Variants in RARB observed in about 807,000 individuals in gnomAD.
RARB encodes the protein retinoic acid receptor beta, also known as HBV-activated protein.
A neutral mutation model predicts 51.9 loss-of-function variants in RARB; 17 were observed. The ratio of observed to expected loss-of-function variants is 0.33; its 90% CI spans 0.22 to 0.49. The LOEUF is 0.49. Ranked by LOEUF, RARB falls within the 20% of genes least tolerant of loss-of-function variation. The probability of loss-of-function intolerance (pLI) is 0.99; values close to 1 mark genes in which losing one functional copy is unlikely to be tolerated. For synonymous variants in RARB, 215 were observed against 195.4 expected (o/e 1.10, Z -0.84); for missense variants, 369 against 550.8 (o/e 0.67, Z 3.30).
At position 25,358,829 on chromosome 3, in the gene RARB, C is replaced by T. The variant is rs563474581; in HGVS notation, c.179-102364C>T. ...CAGCCTTGCATCCCGGGGATGAAGC[C>T]GACTTGATCATGGTGAATAAGATTT... On this transcript the variant is annotated intron_variant, in intron 5 of 11. Transcript: ENST00000383772. Among the ~76,000 whole-genome samples, 7 of 152,142 alleles carry T rather than the reference C, an allele frequency of 4.6e-5. No homozygotes were observed. In the South Asian group the frequency reaches 6.2e-4, roughly 14 times the overall value.
At chr3:25,203,253 C>A (rs555664968) in intron 5 of RARB, among the ~76,000 whole-genome samples, 1 of 152,090 alleles carries the variant, frequency 6.6e-6, no homozygotes, top group Admixed American at 6.5e-5. Context: ...AGGATTGCAA[C>A]CCCTGCCTTT....
chr3:25,316,116 A>G (rs1407634017), intron 5 of RARB, among the ~76,000 whole-genome samples: 2 of 152,216 alleles, frequency 1.3e-5, no homozygotes, highest in African/African-American at 4.8e-5. Flanking sequence ...TTGTACAGAT[A>G]GATGTCTATT....
chr3:25,543,759 T>G (rs1441432575), intron 3 of RARB, among the ~76,000 whole-genome samples: 1 of 151,958 alleles, frequency 6.6e-6, no homozygotes, highest in African/African-American at 2.4e-5. Flanking sequence ...AGCAGTCAGC[T>G]CCCCACAGGG....
At chr3:24,969,709 C>A (rs867270193) in intron 2 of RARB, among the ~76,000 whole-genome samples, 1 of 152,100 alleles carries the variant, frequency 6.6e-6, no homozygotes, top group African/African-American at 2.4e-5. Flanking sequence ...CTTCACTAAG[C>A]CTTCTGTGTA....
At chr3:25,055,093 A>AT (rs1310235509) in intron 2 of RARB, among the ~76,000 whole-genome samples, 1 of 152,188 alleles carries the variant, frequency 6.6e-6, no homozygotes, top group East Asian at 1.9e-4. Flanking sequence ...CATTTATTCC[A>AT]TTCTGCTTTT....
intron 1 of RARB, 39 bp downstream of exon 1, chr3:25,428,927 A>G (rs1708091380): frequency 6.4e-7 from 1 of 1,569,292 alleles, no homozygotes; most frequent in African/African-American, 1.4e-5. Flanking sequence ...CAAGAAAAAA[A>G]AAATTGTCTC....
chr3:24,929,071 A>C (rs1695387516), intron 2 of RARB, among the ~76,000 whole-genome samples: 1 of 152,094 alleles, frequency 6.6e-6, no homozygotes, highest in African/African-American at 2.4e-5. Context: ...ATATCATGTA[A>C]AAGTAATGAT....
At chr3:25,098,940 A>G (rs577563270) in intron 3 of RARB, among the ~76,000 whole-genome samples, 55 of 152,300 alleles carry the variant, frequency 3.6e-4, no homozygotes, top group Non-Finnish European at 6.0e-4. Context: ...GTTTTCCTCT[A>G]AGATATTTAA....
At chr3:25,458,097 A>G (rs140242437) in intron 1 of RARB, among the ~76,000 whole-genome samples, 5 of 152,226 alleles carry the variant, frequency 3.3e-5, no homozygotes, top group African/African-American at 1.2e-4. Context: ...ACATGCATTA[A>G]AAACAAAATA....
chr3:25,004,581 A>G (rs1029085252), intron 2 of RARB, among the ~76,000 whole-genome samples: 1 of 152,066 alleles, frequency 6.6e-6, no homozygotes, highest in East Asian at 1.9e-4. Context: ...TCACCTCTTA[A>G]TGGTCTCACC....
chr3:25,498,246 T>A (rs2125601137), intron 2 of RARB, among the ~76,000 whole-genome samples: 2 of 152,226 alleles, frequency 1.3e-5, no homozygotes, highest in South Asian at 4.1e-4. Context: ...ACTTTAGGTG[T>A]ATGAGGATAA....
At chr3:24,916,684 G>A (rs1695113167) in intron 2 of RARB, among the ~76,000 whole-genome samples, 2 of 141,644 alleles carry the variant, frequency 1.4e-5, no homozygotes, top group Non-Finnish European at 3.0e-5. Flanking sequence ...AACCATTTTG[G>A]TAAAAAGTAT....
chr3:25,275,558 C>G (rs1377709220), intron 5 of RARB, among the ~76,000 whole-genome samples: 3 of 152,154 alleles, frequency 2.0e-5, no homozygotes, highest in African/African-American at 7.2e-5. Context: ...ATACGGCAAC[C>G]CTTTGATAAT....
chr3:25,085,293 C>T (rs1488147320), intron 3 of RARB, among the ~76,000 whole-genome samples: 1 of 152,122 alleles, frequency 6.6e-6, no homozygotes, highest in East Asian at 1.9e-4. Flanking sequence ...TACATTGAAG[C>T]ATGAACTAAT....
intron 5 of RARB, among the ~76,000 whole-genome samples, chr3:25,343,891 G>A (rs1326256677): frequency 6.6e-6 from 1 of 152,162 alleles, no homozygotes; most frequent in African/African-American, 2.4e-5. Context: ...GAACTAAAAG[G>A]AAAGAGGATG....
At chr3:25,502,138 G>C (rs1156700344) in intron 3 of RARB, among the ~76,000 whole-genome samples, 1 of 152,182 alleles carries the variant, frequency 6.6e-6, no homozygotes, top group Admixed American at 6.5e-5. Flanking sequence ...CATCATGGGG[G>C]GATTTTGGTG....
chr3:25,096,581 G>A (rs143577483), intron 3 of RARB, among the ~76,000 whole-genome samples: 6 of 152,148 alleles, frequency 3.9e-5, no homozygotes, highest in East Asian at 1.9e-4. Flanking sequence ...ATCATTTGAC[G>A]TTTTCTGTTT....
chr3:24,905,794 C>T (rs1355370662), intron 2 of RARB, among the ~76,000 whole-genome samples: 2 of 152,122 alleles, frequency 1.3e-5, no homozygotes, highest in East Asian at 1.9e-4. Context: ...TGTCAGACAT[C>T]CTATATTAAT....
intron 4 of RARB, among the ~76,000 whole-genome samples, chr3:25,572,496 G>T (rs562884311): frequency 6.6e-6 from 1 of 152,234 alleles, no homozygotes; most frequent in South Asian, 2.1e-4. Flanking sequence ...TAGTCAACAA[G>T]TGGTCAGAGG....
Sources: allele counts gnomAD v4.1 joint callset (sites outside exome capture counted in the v4.1 genomes callset), GRCh38; gene constraint gnomAD v4.1.1; transcripts MANE v1.5; gene names NCBI Gene and HGNC (gene_info 2026-07-23, HGNC 2026-07-21).